Variants in DRGX observed in about 807,000 individuals in gnomAD.
DRGX encodes dorsal root ganglia homeobox protein.
DRGX carries 21 observed loss-of-function variants against 28.6 expected under a neutral mutation model. The ratio of observed to expected loss-of-function variants is 0.73; its 90% confidence interval spans 0.52 to 1.06. The LOEUF is 1.06. Among genes scored for constraint, DRGX ranks in the 50% least tolerant of loss-of-function variants. DRGX has a pLI of 0.00. For missense variants in DRGX, 354 were observed against 343.9 expected (o/e 1.03, Z -0.23); for synonymous variants, 136 against 139.1 (o/e 0.98, Z 0.16).
Position 49,365,428 on chromosome 10 carries a change from A to G in DRGX, c.*688T>C, listed in dbSNP as rs1849587330. 1 of 152,294 alleles carries G rather than the reference A, an allele frequency of 6.6e-6. No homozygotes were observed. The highest frequency in any genetic ancestry group is 2.4e-5 in the African/African-American group (1 of 41,446). 9.4% of individuals were successfully genotyped at this position (152,294 alleles called of 1,614,324 possible). A position where few individuals can be genotyped will look rare whatever the true frequency, so the allele number is the denominator to read the frequency against. ...CCACAGTGTCAAGACAGCAGCCCCC[A>G]GTTCATGGAGCAGGTGGCCTGGGTG... is the stretch of plus-strand genomic sequence containing the variant. On this transcript the variant is annotated 3_prime_UTR_variant, in exon 7 of 7. Coordinates refer to ENST00000374139, the MANE Select transcript of DRGX (RefSeq NM_001276451.2).
At chr10:49,370,482 G>A (rs367664844) in intron 6 of DRGX, among the ~76,000 whole-genome samples, 1 of 152,194 alleles carries the variant, frequency 6.6e-6, no homozygotes, top group African/African-American at 2.4e-5. Flanking sequence ...CCCAAGCCTG[G>A]ACTGCAGCAA....
intron 4 of DRGX, among the ~76,000 whole-genome samples, chr10:49,387,553 T>C (rs1849853289): frequency 2.0e-5 from 3 of 151,668 alleles, no homozygotes; most frequent in Admixed American, 2.0e-4. Context: ...ATCCCAGCTA[T>C]TCAGGAGGCT....
chr10:49,395,441 C>T lies in DRGX; in HGVS notation c.-1G>A. Reference sequence around the variant, plus strand: ...GTGGCGGGCAGTGGAAATAAAACATCGCCGGCTGTCAGATCGGCTGGACGG... The same window carrying T: ...GTGGCGGGCAGTGGAAATAAAACATTGCCGGCTGTCAGATCGGCTGGACGG... On this transcript the variant is annotated 5_prime_UTR_variant, in exon 2 of 7. Transcript: ENST00000374139. 6.5e-7 allele frequency: 1 copy of T among 1,550,256 alleles called. No homozygotes were observed. The highest frequency in any genetic ancestry group is 8.7e-7 in the Non-Finnish European group (1 of 1,146,898).
At chr10:49,366,522 G>A (rs1849603406) in intron 6 of DRGX, 141 bp from the exon 7 acceptor site, 1 of 1,245,160 alleles carries the variant, frequency 8.0e-7, no homozygotes, top group Non-Finnish European at 1.1e-6. Context: ...AAGGACAAGT[G>A]CTCAGAACCT....
chr10:49,383,286 T>G (rs1210747544), intron 6 of DRGX, among the ~76,000 whole-genome samples: 1 of 152,238 alleles, frequency 6.6e-6, no homozygotes, highest in Non-Finnish European at 1.5e-5. Context: ...AGGATAACTT[T>G]CCATAATCGC....
intron 2 of DRGX, 56 bp from the exon 3 acceptor site, chr10:49,391,317 C>A: frequency 1.4e-6 from 2 of 1,459,160 alleles, no homozygotes; most frequent in Non-Finnish European, 1.9e-6. Context: ...CCTCAGACCG[C>A]CCCCAGACAC....
chr10:49,390,522 C>A (rs538715173), intron 3 of DRGX, among the ~76,000 whole-genome samples: 7 of 150,910 alleles, frequency 4.6e-5, no homozygotes, highest in South Asian at 4.2e-4. Context: ...TCATAGGAAT[C>A]AAAAAAAAAC....
intron 2 of DRGX, 90 bp from the exon 3 acceptor site, chr10:49,391,351 C>G (rs922140176): frequency 8.1e-6 from 8 of 982,088 alleles, no homozygotes; most frequent in Middle Eastern, 2.1e-4. Flanking sequence ...CCCACCTGAC[C>G]CACCAGACAG....
At chr10:49,395,645 G>C in intron 1 of DRGX, 124 bp from the exon 2 acceptor site, 1 of 637,934 alleles carries the variant, frequency 1.6e-6, no homozygotes, top group South Asian at 1.9e-5. Context: ...CACTGCGGGG[G>C]ACAGGAGGGA....
Position 49,395,463 on chromosome 10 carries a change from A to G in DRGX, c.-23T>C, listed in dbSNP as rs1282570091. The G allele has an allele frequency of 1.3e-6, 2 of 1,549,680 alleles. No individual in the cohort carries two copies. The highest frequency in any genetic ancestry group is 2.4e-5 in the East Asian group (1 of 40,900). On this transcript the variant is annotated 5_prime_UTR_variant, in exon 2 of 7. Coordinates refer to ENST00000374139, the MANE Select transcript of DRGX (RefSeq NM_001276451.2). Reference sequence around the variant, plus strand: ...CATCGCCGGCTGTCAGATCGGCTGGACGGCCGAGACCTGGGAGGGTGGCAG... The same window carrying G: ...CATCGCCGGCTGTCAGATCGGCTGGGCGGCCGAGACCTGGGAGGGTGGCAG...
Position 49,393,575 on chromosome 10 carries a change from C to CA in DRGX, c.34+1831dup, listed in dbSNP as rs539666644. ...TCTCCCTTATGCCTATCTAGATTAA[C>CA]AAAAAATTAAAATAAAAAAGATGAT... is the stretch of plus-strand genomic sequence containing the variant. On this transcript the variant is annotated intron_variant, in intron 2 of 6. Coordinates refer to ENST00000374139, the MANE Select transcript of DRGX (RefSeq NM_001276451.2). 3.3e-3 allele frequency among the ~76,000 whole-genome samples: 506 copies of CA among 152,228 alleles called. 2 individuals carry two copies. The highest frequency in any genetic ancestry group is 0.012 in the African/African-American group (489 of 41,560).
At chr10:49,371,568 G>A (rs1269467027) in intron 6 of DRGX, among the ~76,000 whole-genome samples, 2 of 152,018 alleles carry the variant, frequency 1.3e-5, no homozygotes, top group Non-Finnish European at 2.9e-5. Flanking sequence ...AAGGCAGGGG[G>A]ATCACCTGAG....
chr10:49,395,325 C>A, intron 2 of DRGX, 82 bp downstream of exon 2: 2 of 1,521,266 alleles, frequency 1.3e-6, no homozygotes, highest in Non-Finnish European at 1.8e-6. Context: ...GGGACCCAGC[C>A]ACCCACCAGC....
chr10:49,376,513 A>G (rs889940963), intron 6 of DRGX, among the ~76,000 whole-genome samples: 7 of 152,158 alleles, frequency 4.6e-5, no homozygotes, highest in Non-Finnish European at 8.8e-5. Context: ...TGCTTGCAGG[A>G]AGCAGAAACC....
rs1849572999 is a variant in DRGX, at chr10:49,364,159, G to A, written c.*1957C>T. 1 of 152,196 alleles carries A rather than the reference G, an allele frequency of 6.6e-6. No homozygotes were observed. Among genetic ancestry groups the A allele is most frequent in the Non-Finnish European group, 1.5e-5 (1 of 68,036 alleles). The allele number at this position is 152,196 out of a possible 1,614,324, so 9.4% of individuals were successfully genotyped here. A position where few individuals can be genotyped will look rare whatever the true frequency, so the allele number is the denominator to read the frequency against. ...TTTTGCCTTTGTACAACAAAACAAA[G>A]TACTCAATATCTCTGCAGAGGTTTG... On this transcript the variant is annotated 3_prime_UTR_variant, in exon 7 of 7. Coordinates refer to ENST00000374139, the MANE Select transcript of DRGX (RefSeq NM_001276451.2).
chr10:49,391,823 G>C (rs1487979651), intron 2 of DRGX: 1 of 521,572 alleles, frequency 1.9e-6, no homozygotes, highest in Admixed American at 2.0e-5. Context: ...GTTTATAAAT[G>C]AATATTAATT....
chr10:49,377,590 C>A (rs1849729640), intron 6 of DRGX, among the ~76,000 whole-genome samples: 1 of 152,194 alleles, frequency 6.6e-6, no homozygotes, highest in African/African-American at 2.4e-5. Flanking sequence ...TCTTGGTATC[C>A]AACCACCATT....
chr10:49,386,611 T>A, intron 5 of DRGX, 21 bp from the exon 6 acceptor site: 4 of 1,595,172 alleles, frequency 2.5e-6, no homozygotes, highest in Non-Finnish European at 3.4e-6. Context: ...AAGGAGATCA[T>A]ATTGAGGTCT....
intron 6 of DRGX, 126 bp from the exon 7 acceptor site, chr10:49,366,507 G>A (rs1849603206): frequency 7.3e-7 from 1 of 1,364,630 alleles, no homozygotes; most frequent in Admixed American, 2.7e-5. Flanking sequence ...AGATACTAAA[G>A]GGAGAAGGAC....
Sources: allele counts gnomAD v4.1 joint callset (sites outside exome capture counted in the v4.1 genomes callset), GRCh38; gene constraint gnomAD v4.1.1; transcripts MANE v1.5; gene names NCBI Gene and HGNC (gene_info 2026-07-23, HGNC 2026-07-21).